Variants in RFX3 observed in about 807,000 individuals in gnomAD.
RFX3 encodes the protein regulatory factor X3, also known as transcription factor RFX3.
In RFX3, 14 loss-of-function variants were observed where a neutral mutation model predicts 98.6. The observed-to-expected ratio is 0.14, with a 90% CI of 0.09 to 0.22. RFX3 has a LOEUF of 0.22. RFX3 is among the 10% of genes least tolerant of loss of function. The probability of loss-of-function intolerance (pLI) is 1.00; values close to 1 mark genes in which losing one functional copy is unlikely to be tolerated. For missense variants in RFX3, 639 were observed against 926.9 expected (o/e 0.69, Z 4.03); for synonymous variants, 383 against 328.4 (o/e 1.17, Z -1.80).
intron 8 of RFX3, 55 bp downstream of exon 8, chr9:3,277,285 A>G: frequency 6.3e-7 from 1 of 1,581,902 alleles, no homozygotes; most frequent in African/African-American, 1.3e-5. Flanking sequence ...CTTGGAGAAA[A>G]GACTAACTTT....
At chr9:3,371,017 T>TA (rs974981771) in intron 2 of RFX3, among the ~76,000 whole-genome samples, 1 of 152,114 alleles carries the variant, frequency 6.6e-6, no homozygotes. Context: ...AATCCTTTTT[T>TA]AAAAAAAGCA....
At chr9:3,471,373 TAC>T (rs1848758238) in intron 1 of RFX3, among the ~76,000 whole-genome samples, 2 of 152,228 alleles carry the variant, frequency 1.3e-5, no homozygotes, top group Admixed American at 6.5e-5. Context: ...CAAGGATCCT[TAC>T]AGAGTAATGG....
At chr9:3,284,405 G>C (rs1050347337) in intron 7 of RFX3, among the ~76,000 whole-genome samples, 3 of 151,442 alleles carry the variant, frequency 2.0e-5, no homozygotes, top group Non-Finnish European at 3.0e-5. Context: ...AGTGCATTTC[G>C]TCAAAAACTG....
At position 3,330,483 on chromosome 9, in the gene RFX3, T is replaced by C. The variant is rs1832463838; in HGVS notation, c.250A>G (p.Met84Val). The change falls in exon 4 of 17, where the codon ATG (methionine) becomes GTG (valine). Residue 84 changes from methionine to valine, a missense_variant. By Grantham distance (21) the Met-to-Val change is conservative. This residue lies in a region of RFX3 where 210 missense variants were observed against 197.7 expected (regional missense o/e 1.06). Transcript: ENST00000617270. ...TTCCCTCCAGTATTTTGGCTGTACA[T>C]CTGTGTCTCTGTGTAAGGATACGTT... ...TTTYPYTETQ[M>V]YSQNTGGNYF... 1 of 1,613,924 alleles carries C rather than the reference T, an allele frequency of 6.2e-7. No homozygotes were observed. Among genetic ancestry groups the C allele is most frequent in the Non-Finnish European group, 8.5e-7 (1 of 1,179,892 alleles).
At chr9:3,268,185 G>C (rs1823903611) in intron 11 of RFX3, among the ~76,000 whole-genome samples, 1 of 151,574 alleles carries the variant, frequency 6.6e-6, no homozygotes, top group Non-Finnish European at 1.5e-5. Flanking sequence ...TTAGAATATA[G>C]TAGCTTCAAG....
intron 1 of RFX3, among the ~76,000 whole-genome samples, chr9:3,481,790 C>A (rs1345650790): frequency 6.6e-6 from 1 of 151,900 alleles, no homozygotes; most frequent in Non-Finnish European, 1.5e-5. Context: ...CTAATGAATT[C>A]TTTGTATTTT....
chr9:3,503,656 A>G (rs1816293990), intron 1 of RFX3, among the ~76,000 whole-genome samples: 1 of 152,076 alleles, frequency 6.6e-6, no homozygotes, highest in African/African-American at 2.4e-5. Context: ...ATTTGCCTCC[A>G]TTAGTAACTT....
At chr9:3,308,536 C>T (rs1829595292) in intron 4 of RFX3, among the ~76,000 whole-genome samples, 1 of 152,170 alleles carries the variant, frequency 6.6e-6, no homozygotes, top group African/African-American at 2.4e-5. Context: ...TCAAAGTTCA[C>T]ATAATAAACT....
At chr9:3,461,202 G>A (rs1246438939) in intron 1 of RFX3, among the ~76,000 whole-genome samples, 1 of 151,672 alleles carries the variant, frequency 6.6e-6, no homozygotes, top group East Asian at 1.9e-4. Flanking sequence ...ATATATGAGA[G>A]CAACAAACTA....
At chr9:3,341,690 G>C (rs977472440) in intron 3 of RFX3, among the ~76,000 whole-genome samples, 4 of 152,200 alleles carry the variant, frequency 2.6e-5, no homozygotes, top group African/African-American at 7.2e-5. Flanking sequence ...ATTAGAGAGA[G>C]AACAGGGTGC....
chr9:3,231,583 G>T (rs953700123), intron 15 of RFX3, among the ~76,000 whole-genome samples: 2 of 152,038 alleles, frequency 1.3e-5, no homozygotes, highest in African/African-American at 2.4e-5. Context: ...AAACCTCAGG[G>T]AAGGTTTTAG....
intron 3 of RFX3, among the ~76,000 whole-genome samples, chr9:3,331,307 T>A (rs1832576014): frequency 6.6e-6 from 1 of 152,094 alleles, no homozygotes. Context: ...CATGTTACCC[T>A]TCCCTCCCTT....
rs1182945941 is a variant in RFX3, at chr9:3,223,759, T to C, written c.*1283A>G. ...ACACTTTGTCAAATGGATTGAAGAGTTAGTCACATGAACAAAATAAACCTT... is the reference window on the plus strand; with the variant it reads ...ACACTTTGTCAAATGGATTGAAGAGCTAGTCACATGAACAAAATAAACCTT... On this transcript the variant is annotated 3_prime_UTR_variant, in exon 17 of 17. Coordinates refer to ENST00000617270, the MANE Select transcript of RFX3 (RefSeq NM_001282116.2). The C allele has an allele frequency of 6.6e-6, 1 of 152,140 alleles. No individual in the cohort carries two copies. The highest frequency in any genetic ancestry group is 1.5e-5 in the Non-Finnish European group (1 of 68,022). 9.4% of individuals were successfully genotyped at this position (152,140 alleles called of 1,614,324 possible). A position where few individuals can be genotyped will look rare whatever the true frequency, so the allele number is the denominator to read the frequency against.
chr9:3,489,742 T>C (rs2133483389), intron 1 of RFX3, among the ~76,000 whole-genome samples: 1 of 152,280 alleles, frequency 6.6e-6, no homozygotes, highest in African/African-American at 2.4e-5. Flanking sequence ...GGGTCACATA[T>C]GGGTATCAAA....
intron 15 of RFX3, among the ~76,000 whole-genome samples, chr9:3,233,238 A>C (rs1818715417): frequency 6.6e-6 from 1 of 152,238 alleles, no homozygotes; most frequent in Admixed American, 6.5e-5. Flanking sequence ...ACAGCTTAGC[A>C]CAGCCAGGGC....
chr9:3,277,256 A>C, intron 8 of RFX3, 84 bp downstream of exon 8: 1 of 1,409,938 alleles, frequency 7.1e-7, no homozygotes, highest in East Asian at 2.3e-5. Context: ...TGTCATTGAC[A>C]TCTATAATAG....
At chr9:3,278,557 T>C (rs1344249530) in intron 7 of RFX3, among the ~76,000 whole-genome samples, 1 of 151,824 alleles carries the variant, frequency 6.6e-6, no homozygotes, top group Admixed American at 6.6e-5. Context: ...GAAGTTACTA[T>C]GAATAACAAT....
At chr9:3,451,634 T>A (rs148095577) in intron 1 of RFX3, among the ~76,000 whole-genome samples, 21 of 152,202 alleles carry the variant, frequency 1.4e-4, no homozygotes, top group African/African-American at 5.1e-4. Flanking sequence ...TACTTAGCCC[T>A]CAGGAAGGTG....
chr9:3,523,963 T>C (rs1025816956), intron 1 of RFX3, among the ~76,000 whole-genome samples: 1 of 152,212 alleles, frequency 6.6e-6, no homozygotes, highest in Non-Finnish European at 1.5e-5. Context: ...TTTTACAAAA[T>C]ATTAGCCTTA....
Sources: allele counts gnomAD v4.1 joint callset (sites outside exome capture counted in the v4.1 genomes callset), GRCh38; gene constraint gnomAD v4.1.1; regional missense constraint gnomAD v4.1.1; transcripts MANE v1.5; gene names NCBI Gene and HGNC (gene_info 2026-07-23, HGNC 2026-07-21).